NCAM2: variants seen among roughly 807,000 people sequenced by gnomAD.
NCAM2 encodes the protein N-CAM-2.
A neutral mutation model predicts 98.1 loss-of-function variants in NCAM2; 30 were observed. The observed-to-expected ratio is 0.31, with a 90% CI of 0.23 to 0.41. NCAM2 has a LOEUF of 0.41. NCAM2 is among the 10% of genes least tolerant of loss of function. The probability of loss-of-function intolerance (pLI) is 1.00; values close to 1 mark genes in which losing one functional copy is unlikely to be tolerated. For synonymous variants in NCAM2, 368 were observed against 342.4 expected (o/e 1.07, Z -0.83); for missense variants, 867 against 1,005.8 (o/e 0.86, Z 1.87).
intron 9 of NCAM2, among the ~76,000 whole-genome samples, chr21:21,398,331 G>C (rs146661017): frequency 7.8e-4 from 119 of 152,040 alleles, no homozygotes; most frequent in African/African-American, 2.7e-3. Context: ...TCAGGTGATG[G>C]GTACACCAAA....
At chr21:21,527,979 GGTA>G (rs1989420247) in intron 16 of NCAM2, among the ~76,000 whole-genome samples, 1 of 152,132 alleles carries the variant, frequency 6.6e-6, no homozygotes. Flanking sequence ...AATAAACTGT[GGTA>G]GATCCCAGCA....
At chr21:21,091,464 T>C (rs1295937427) in intron 1 of NCAM2, among the ~76,000 whole-genome samples, 1 of 152,160 alleles carries the variant, frequency 6.6e-6, no homozygotes, top group Non-Finnish European at 1.5e-5. Context: ...AGTGATTTTT[T>C]AATACATATG....
intron 11 of NCAM2, among the ~76,000 whole-genome samples, chr21:21,423,584 T>TA (rs1245565716): frequency 6.6e-6 from 1 of 152,174 alleles, no homozygotes; most frequent in African/African-American, 2.4e-5. Flanking sequence ...TGACTTTTGT[T>TA]ATTTTTTTCC....
chr21:21,275,309 G>C (rs186977681), intron 1 of NCAM2, among the ~76,000 whole-genome samples: 2 of 151,570 alleles, frequency 1.3e-5, no homozygotes, highest in Non-Finnish European at 3.0e-5. Flanking sequence ...GCGTGGTGGC[G>C]GGTGCCTGTA....
intron 1 of NCAM2, among the ~76,000 whole-genome samples, chr21:21,023,537 A>G (rs752297518): frequency 5.9e-5 from 9 of 152,012 alleles, no homozygotes; most frequent in Admixed American, 1.3e-4. Flanking sequence ...AAAAAAAAGA[A>G]GAAGAAGGAA....
chr21:21,228,841 A>G (rs2070499688), intron 1 of NCAM2, among the ~76,000 whole-genome samples: 1 of 151,598 alleles, frequency 6.6e-6, no homozygotes, highest in African/African-American at 2.4e-5. Context: ...AAATCCAGAC[A>G]AAGTATGGCA....
rs531697515 is a variant in NCAM2 at position 21,346,527 on chromosome 21, A to G, written c.1044+7993A>G. On this transcript the variant is annotated intron_variant, in intron 8 of 17. Coordinates refer to ENST00000400546, the MANE Select transcript of NCAM2 (RefSeq NM_004540.5). ...CAGATGTAATCTGCACTATAGATCT[A>G]ATGGATCTGGTAGATGTTTATAGAA... Among the ~76,000 whole-genome samples, 62 of 152,186 alleles carry G rather than the reference A, an allele frequency of 4.1e-4. No individual in the cohort carries two copies. In the South Asian group the frequency reaches 0.013, roughly 31 times the overall value.
At chr21:21,162,686 T>C (rs1035178642) in intron 1 of NCAM2, among the ~76,000 whole-genome samples, 1 of 152,212 alleles carries the variant, frequency 6.6e-6, no homozygotes, top group African/African-American at 2.4e-5. Context: ...ACTTAAATGA[T>C]TGCAGCCATG....
At chr21:21,216,505 C>T (rs2069906136) in intron 1 of NCAM2, among the ~76,000 whole-genome samples, 1 of 152,170 alleles carries the variant, frequency 6.6e-6, no homozygotes. Context: ...TATGTGGCCA[C>T]AATCTGGTGT....
chr21:21,295,165 G>T (rs1011503680), intron 5 of NCAM2, among the ~76,000 whole-genome samples: 3 of 151,662 alleles, frequency 2.0e-5, no homozygotes, highest in Non-Finnish European at 4.4e-5. Context: ...TCAAATCTTG[G>T]CCTTGTAGGA....
intron 8 of NCAM2, among the ~76,000 whole-genome samples, chr21:21,346,314 G>A (rs1245865090): frequency 6.6e-6 from 1 of 151,570 alleles, no homozygotes; most frequent in South Asian, 2.1e-4. Flanking sequence ...AATGACAAAT[G>A]TGTAAATTCA....
At chr21:21,193,279 T>A (rs925615490) in intron 1 of NCAM2, among the ~76,000 whole-genome samples, 14 of 151,906 alleles carry the variant, frequency 9.2e-5, no homozygotes, top group South Asian at 6.2e-4. Flanking sequence ...TTATCTTTTT[T>A]AATATATAAT....
intron 12 of NCAM2, among the ~76,000 whole-genome samples, chr21:21,462,110 A>G (rs563538162): frequency 7.2e-5 from 11 of 152,140 alleles, no homozygotes; most frequent in Admixed American, 2.6e-4. Flanking sequence ...TTTCAGATCT[A>G]TCTGAGGGGA....
intron 1 of NCAM2, among the ~76,000 whole-genome samples, chr21:21,150,931 G>A (rs2067428960): frequency 6.6e-6 from 1 of 151,342 alleles, no homozygotes; most frequent in Non-Finnish European, 1.5e-5. Flanking sequence ...CAAAATTTAT[G>A]GGCTATGTCA....
At chr21:21,486,740 A>G (rs899060344) in intron 15 of NCAM2, among the ~76,000 whole-genome samples, 1 of 152,208 alleles carries the variant, frequency 6.6e-6, no homozygotes, top group African/African-American at 2.4e-5. Flanking sequence ...TTGAAGTTTT[A>G]CATATCATAA....
At chr21:21,265,388 A>G (rs1273430091) in intron 1 of NCAM2, among the ~76,000 whole-genome samples, 5 of 40 alleles carry the variant, frequency 0.12, no homozygotes, top group Admixed American at 0.21. Context: ...ACATATATGT[A>G]CACACCATAT....
chr21:21,135,202 C>T (rs1448667658), intron 1 of NCAM2, among the ~76,000 whole-genome samples: 3 of 150,490 alleles, frequency 2.0e-5, no homozygotes, highest in East Asian at 2.0e-4. Flanking sequence ...GCCAAGATTG[C>T]GCCACTGCAC....
intron 1 of NCAM2, among the ~76,000 whole-genome samples, chr21:21,115,957 TTGTGTGTGTGTG>T (rs58824475): frequency 3.9e-4 from 57 of 147,092 alleles, no homozygotes; most frequent in East Asian, 2.8e-3. Flanking sequence ...CTCTGAGATT[TTGTGTGTGTGTG>T]TGTGTGTGTG....
chr21:21,444,773 C>T (rs1226287828), intron 12 of NCAM2, among the ~76,000 whole-genome samples: 2 of 151,828 alleles, frequency 1.3e-5, no homozygotes, highest in Admixed American at 6.6e-5. Context: ...GTTAATTTTT[C>T]AAAAAACCAG....
Sources: gnomAD v4.1 joint callset for allele counts (sites outside exome capture counted in the v4.1 genomes callset) on GRCh38, gnomAD v4.1.1 for gene constraint, MANE v1.5 for transcripts, NCBI Gene and HGNC (gene_info 2026-07-23, HGNC 2026-07-21) for gene names.